VSTM2L: variants seen among roughly 807,000 people sequenced by gnomAD.
The protein encoded by VSTM2L is V-set and transmembrane domain-containing protein 2-like protein.
Under a neutral mutation model 19.9 loss-of-function variants are expected in VSTM2L, and 9 were observed. The observed-to-expected ratio is 0.45, with a 90% confidence interval of 0.27 to 0.79. The LOEUF (loss-of-function observed/expected upper bound fraction) is 0.79, where lower values mean the gene tolerates loss of function less well. Ranked by LOEUF, VSTM2L falls within the 30% of genes least tolerant of loss-of-function variation. The pLI is 0.15. For missense variants in VSTM2L, 286 were observed against 295.5 expected (o/e 0.97, Z 0.24); for synonymous variants, 127 against 133.8 (o/e 0.95, Z 0.35).
In VSTM2L at chr20:37,944,668, G is replaced by A. The variant is rs1212498212; in HGVS notation, c.*415G>A. On this transcript the variant is annotated 3_prime_UTR_variant, in exon 4 of 4. Coordinates refer to ENST00000373461, the MANE Select transcript of VSTM2L (RefSeq NM_080607.3). Reference sequence around the variant, plus strand: ...CTCCTACCATCCCTCACTTGGACCTGGGGGTGTGGACAGTGACCCCTCCCT... The same window carrying A: ...CTCCTACCATCCCTCACTTGGACCTAGGGGTGTGGACAGTGACCCCTCCCT... The A allele has an allele frequency of 3.0e-6, 3 of 1,004,486 alleles. No individual in the cohort carries two copies. The highest frequency in any genetic ancestry group is 2.1e-4 in the East Asian group (2 of 9,730). 62.2% of individuals were successfully genotyped at this position (1,004,486 alleles called of 1,614,324 possible). A position where few individuals can be genotyped will look rare whatever the true frequency, so the allele number is the denominator to read the frequency against.
chr20:37,944,438 CTTTCA>C lies in VSTM2L; in HGVS notation c.*186_*190del. On this transcript the variant is annotated 3_prime_UTR_variant, in exon 4 of 4. Transcript: ENST00000373461. Reference sequence around the variant, plus strand: ...CATGTAAGCCCCACCCACCCCTGCCCTTTCAGACCCCTGCGGTGACCTGGCTCGGA... The same window carrying C: ...CATGTAAGCCCCACCCACCCCTGCCCGACCCCTGCGGTGACCTGGCTCGGA... The C allele has an allele frequency of 1.6e-6, 2 of 1,251,906 alleles. No homozygotes were observed. Among genetic ancestry groups the C allele is most frequent in the Non-Finnish European group, 2.0e-6 (2 of 979,690 alleles). 77.5% of individuals were successfully genotyped at this position (1,251,906 alleles called of 1,614,324 possible). A position where few individuals can be genotyped will look rare whatever the true frequency, so the allele number is the denominator to read the frequency against.
At chr20:37,940,358 T>A (rs1320614770) in intron 3 of VSTM2L, among the ~76,000 whole-genome samples, 11 of 152,170 alleles carry the variant, frequency 7.2e-5, no homozygotes, top group African/African-American at 2.7e-4. Context: ...CATGGGGAAG[T>A]CCTGCCTGGG....
Position 37,944,437 on chromosome 20 carries a change from C to A in VSTM2L, c.*184C>A. 8.1e-7 allele frequency: 1 copy of A among 1,227,292 alleles called. No homozygotes were observed. Among genetic ancestry groups the A allele is most frequent in the Non-Finnish European group, 1.0e-6 (1 of 957,124 alleles). 76.0% of individuals were successfully genotyped at this position (1,227,292 alleles called of 1,614,324 possible). A position where few individuals can be genotyped will look rare whatever the true frequency, so the allele number is the denominator to read the frequency against. On this transcript the variant is annotated 3_prime_UTR_variant, in exon 4 of 4. Transcript: ENST00000373461. ...GCATGTAAGCCCCACCCACCCCTGCCCTTTCAGACCCCTGCGGTGACCTGG... is the reference window on the plus strand; with the variant it reads ...GCATGTAAGCCCCACCCACCCCTGCACTTTCAGACCCCTGCGGTGACCTGG...
At chr20:37,922,092 G>A (rs751037025) in intron 1 of VSTM2L, among the ~76,000 whole-genome samples, 4 of 152,126 alleles carry the variant, frequency 2.6e-5, no homozygotes, top group East Asian at 1.9e-4. Flanking sequence ...TGGTTCAGCC[G>A]CATCAAGAAC....
intron 1 of VSTM2L, among the ~76,000 whole-genome samples, chr20:37,930,561 A>G (rs2072902527): frequency 6.6e-6 from 1 of 152,162 alleles, no homozygotes; most frequent in Non-Finnish European, 1.5e-5. Flanking sequence ...TTCTAATTAC[A>G]TCTCAGGACA....
At chr20:37,917,272 G>C (rs1300578533) in intron 1 of VSTM2L, among the ~76,000 whole-genome samples, 1 of 152,012 alleles carries the variant, frequency 6.6e-6, no homozygotes, top group Non-Finnish European at 1.5e-5. Context: ...CAAAGATCAT[G>C]CCACTGCACT....
intron 3 of VSTM2L, among the ~76,000 whole-genome samples, chr20:37,934,388 G>A (rs979086094): frequency 1.3e-5 from 2 of 152,316 alleles, no homozygotes; most frequent in South Asian, 2.1e-4. Flanking sequence ...GCCATGCAAC[G>A]AGGCAAGGTT....
intron 1 of VSTM2L, among the ~76,000 whole-genome samples, chr20:37,907,595 G>A (rs2072757624): frequency 6.6e-6 from 1 of 151,980 alleles, no homozygotes; most frequent in African/African-American, 2.4e-5. Flanking sequence ...TGGTCCCTGA[G>A]AGGAGCTCCA....
intron 1 of VSTM2L, among the ~76,000 whole-genome samples, chr20:37,914,337 GTA>G: frequency 3.4e-5 from 5 of 149,144 alleles, no homozygotes; most frequent in Non-Finnish European, 4.5e-5. Context: ...GGGTATGGGT[GTA>G]TGTGTGCATG....
chr20:37,944,947 G>C lies in VSTM2L; in HGVS notation c.*694G>C, dbSNP rs763999923. ...GTCAGAAGGGAGGGGCCTTTCCCTC[G>C]GACCCATGGCCCCAGGCAGAGTTTT... On this transcript the variant is annotated 3_prime_UTR_variant, in exon 4 of 4. Transcript: ENST00000373461. The C allele has an allele frequency of 1.0e-6, 1 of 985,792 alleles. No homozygotes were observed. Among genetic ancestry groups the C allele is most frequent in the Non-Finnish European group, 1.2e-6 (1 of 829,978 alleles). The allele number at this position is 985,792 out of a possible 1,614,324, so 61.1% of individuals were successfully genotyped here. A position where few individuals can be genotyped will look rare whatever the true frequency, so the allele number is the denominator to read the frequency against.
intron 1 of VSTM2L, among the ~76,000 whole-genome samples, chr20:37,904,524 C>T (rs894373515): frequency 6.6e-6 from 1 of 152,196 alleles, no homozygotes; most frequent in African/African-American, 2.4e-5. Flanking sequence ...TCCCCCTGAC[C>T]CCTGTGAGCC....
At chr20:37,940,320 G>C (rs1055286154) in intron 3 of VSTM2L, among the ~76,000 whole-genome samples, 1 of 152,252 alleles carries the variant, frequency 6.6e-6, no homozygotes, top group Non-Finnish European at 1.5e-5. Flanking sequence ...AGCCAGAGGG[G>C]CAGCTGGGAG....
At chr20:37,924,427 C>A (rs1162067323) in intron 1 of VSTM2L, among the ~76,000 whole-genome samples, 1 of 131,578 alleles carries the variant, frequency 7.6e-6, no homozygotes, top group Non-Finnish European at 1.5e-5. Context: ...GTGACGTGTG[C>A]CTGTAATCCC....
chr20:37,917,642 C>T (rs1223747307), intron 1 of VSTM2L, among the ~76,000 whole-genome samples: 1 of 152,238 alleles, frequency 6.6e-6, no homozygotes, highest in African/African-American at 2.4e-5. Flanking sequence ...AGAGCTGTGG[C>T]TTGCATCCTC....
intron 3 of VSTM2L, among the ~76,000 whole-genome samples, chr20:37,935,318 G>A (rs2072933418): frequency 6.6e-6 from 1 of 152,188 alleles, no homozygotes; most frequent in Non-Finnish European, 1.5e-5. Flanking sequence ...CAAGCTCCTC[G>A]TGCAGACAGC....
chr20:37,910,382 G>A (rs1417376150), intron 1 of VSTM2L, among the ~76,000 whole-genome samples: 1 of 152,206 alleles, frequency 6.6e-6, no homozygotes, highest in Non-Finnish European at 1.5e-5. Context: ...CTGTCACACT[G>A]CATGCTCCAT....
chr20:37,910,964 G>A (rs557652672), intron 1 of VSTM2L, among the ~76,000 whole-genome samples: 4 of 150,482 alleles, frequency 2.7e-5, no homozygotes, highest in Admixed American at 6.6e-5. Flanking sequence ...GAATATATAC[G>A]TATTGTGATA....
chr20:37,924,941 T>C (rs1294456631), intron 1 of VSTM2L, among the ~76,000 whole-genome samples: 5 of 152,212 alleles, frequency 3.3e-5, no homozygotes, highest in Non-Finnish European at 7.3e-5. Context: ...GACCCGTGGA[T>C]CTTGGTCACA....
intron 2 of VSTM2L, 143 bp downstream of exon 2, chr20:37,931,947 T>C: frequency 9.7e-7 from 1 of 1,028,706 alleles, no homozygotes. Context: ...CCCTCCCTTC[T>C]TCCTCCTGGG....
Sources: allele counts gnomAD v4.1 joint callset (sites outside exome capture counted in the v4.1 genomes callset), GRCh38; gene constraint gnomAD v4.1.1; transcripts MANE v1.5; gene names NCBI Gene and HGNC (gene_info 2026-07-23, HGNC 2026-07-21).